The following SLC35F2 variants were observed in gnomAD, a reference collection of about 807,000 sequenced individuals.
SLC35F2 encodes queuine/queuosine transporter SLC35F2.
SLC35F2 carries 25 observed loss-of-function variants against 38.1 expected under a neutral mutation model. The observed-to-expected ratio is 0.66, with a 90% CI of 0.48 to 0.92. The LOEUF is 0.92. Ranked by LOEUF, SLC35F2 falls within the 40% of genes least tolerant of loss-of-function variation. The pLI is 0.00. For synonymous variants in SLC35F2, 173 were observed against 181.7 expected, an observed-to-expected ratio of 0.95 and a Z score of 0.38; for missense variants, 409 against 452.9, an observed-to-expected ratio of 0.90 and a Z score of 0.88.
At chr11:107,835,695 C>T (rs1159692091) in intron 1 of SLC35F2, among the ~76,000 whole-genome samples, 4 of 152,032 alleles carry the variant, frequency 2.6e-5, no homozygotes, top group African/African-American at 9.7e-5. Context: ...CTCCCAAACA[C>T]AATGACTCTT....
chr11:107,800,325 C>T (rs1204175094), intron 7 of SLC35F2, among the ~76,000 whole-genome samples: 1 of 152,090 alleles, frequency 6.6e-6, no homozygotes, highest in African/African-American at 2.4e-5. Context: ...GGTTTACACT[C>T]CTTAAGCAGA....
intron 1 of SLC35F2, among the ~76,000 whole-genome samples, chr11:107,838,986 T>A (rs1231014356): frequency 6.6e-6 from 1 of 152,122 alleles, no homozygotes; most frequent in Non-Finnish European, 1.5e-5. Context: ...ATTAGTACCA[T>A]TATACTGTTG....
chr11:107,832,841 A>G (rs115742243), intron 1 of SLC35F2, among the ~76,000 whole-genome samples: 2 of 152,160 alleles, frequency 1.3e-5, no homozygotes, highest in African/African-American at 4.8e-5. Flanking sequence ...TTCTGTCAGG[A>G]AAGTACAGGG....
intron 7 of SLC35F2, among the ~76,000 whole-genome samples, chr11:107,794,405 T>TA (rs1448431466): frequency 6.6e-6 from 1 of 152,120 alleles, no homozygotes. Flanking sequence ...AGCAGCATGA[T>TA]AAAGCACAGA....
At chr11:107,833,513 T>C (rs891432717) in intron 1 of SLC35F2, among the ~76,000 whole-genome samples, 10 of 117,842 alleles carry the variant, frequency 8.5e-5, no homozygotes, top group Admixed American at 2.8e-4. Context: ...AGTGAGACTC[T>C]GTCTCAAAAA....
chr11:107,821,485 A>T, intron 1 of SLC35F2: 1 of 985,386 alleles, frequency 1.0e-6, no homozygotes, highest in South Asian at 4.7e-5. Flanking sequence ...TAGGAAATTG[A>T]GCAAAGGAAG....
intron 1 of SLC35F2, among the ~76,000 whole-genome samples, chr11:107,818,073 A>G (rs1859604592): frequency 5.9e-5 from 2 of 33,952 alleles, no homozygotes; most frequent in African/African-American, 2.6e-4. Context: ...AAAAAAAAAA[A>G]AAGAAAGAAA....
At chr11:107,818,056 CAAAAA>C (rs57787130) in intron 1 of SLC35F2, among the ~76,000 whole-genome samples, 48 of 66,138 alleles carry the variant, frequency 7.3e-4, no homozygotes, top group East Asian at 6.3e-3. Flanking sequence ...GACTCTGTCT[CAAAAA>C]AAAAAAAAAA....
chr11:107,827,283 G>A (rs116607787), intron 1 of SLC35F2, among the ~76,000 whole-genome samples: 1,883 of 152,196 alleles, frequency 0.012, 56 homozygotes, highest in African/African-American at 0.044. Flanking sequence ...AACACCCCTA[G>A]TGCCTAGATA....
chr11:107,808,124 C>T (rs1859426683), intron 3 of SLC35F2, among the ~76,000 whole-genome samples: 1 of 152,328 alleles, frequency 6.6e-6, no homozygotes, highest in Middle Eastern at 3.4e-3. Context: ...GCATGGGTTA[C>T]TGTGAGAGAA....
chr11:107,824,561 A>C (rs192216884), intron 1 of SLC35F2, among the ~76,000 whole-genome samples: 80 of 152,338 alleles, frequency 5.3e-4, no homozygotes, highest in African/African-American at 1.9e-3. Flanking sequence ...GACCTTCAAG[A>C]AAAGATTATT....
chr11:107,809,329 C>CAAAAAAAAAAAAAAAAAA (rs61511493), intron 3 of SLC35F2, among the ~76,000 whole-genome samples: 7 of 96,120 alleles, frequency 7.3e-5, no homozygotes, highest in Non-Finnish European at 1.3e-4. Context: ...ACTCAAAATA[C>CAAAAAAAAAAAAAAAAAA]AAAAAAAAAA....
intron 3 of SLC35F2, among the ~76,000 whole-genome samples, chr11:107,808,514 T>C (rs934479379): frequency 1.1e-4 from 17 of 152,194 alleles, no homozygotes; most frequent in African/African-American, 3.6e-4. Context: ...TGCTGTTTTA[T>C]TGCTCACCCT....
chr11:107,857,654 T>C (rs1327469726), intron 1 of SLC35F2, among the ~76,000 whole-genome samples: 1 of 152,196 alleles, frequency 6.6e-6, no homozygotes, highest in African/African-American at 2.4e-5. Flanking sequence ...TTTTCAGGAC[T>C]ATCTTTCACA....
At chr11:107,835,366 G>A (rs483463) in intron 1 of SLC35F2, among the ~76,000 whole-genome samples, 80,688 of 151,760 alleles carry the variant, frequency 0.53, 22,548 homozygotes, top group African/African-American at 0.72. Flanking sequence ...GAATGTGTGC[G>A]AATTTCCCTT....
chr11:107,850,388 G>T (rs1860160442), intron 1 of SLC35F2, among the ~76,000 whole-genome samples: 1 of 152,168 alleles, frequency 6.6e-6, no homozygotes, highest in Non-Finnish European at 1.5e-5. Flanking sequence ...AATTAGGGAT[G>T]ATTTTTGTCC....
chr11:107,824,586 C>A (rs1320890020), intron 1 of SLC35F2, among the ~76,000 whole-genome samples: 1 of 152,188 alleles, frequency 6.6e-6, no homozygotes, highest in East Asian at 1.9e-4. Context: ...CTGAACATAG[C>A]AGAAAGAATC....
At chr11:107,833,472 T>C (rs1859882659) in intron 1 of SLC35F2, among the ~76,000 whole-genome samples, 1 of 136,704 alleles carries the variant, frequency 7.3e-6, no homozygotes, top group Admixed American at 8.2e-5. Flanking sequence ...TGAACCAAGA[T>C]CACACCACTG....
intron 1 of SLC35F2, among the ~76,000 whole-genome samples, chr11:107,830,653 A>T (rs534877708): frequency 1.9e-4 from 29 of 151,842 alleles, no homozygotes; most frequent in South Asian, 6.2e-4. Flanking sequence ...TTCCCATAAA[A>T]TTTTTTTTAA....
Sources: gnomAD v4.1 joint callset for allele counts (sites outside exome capture counted in the v4.1 genomes callset) on GRCh38, gnomAD v4.1.1 for gene constraint, MANE v1.5 for transcripts, NCBI Gene and HGNC (gene_info 2026-07-23, HGNC 2026-07-21) for gene names.